The following CFAP61 variants were observed in gnomAD, a reference collection of about 807,000 sequenced individuals.
The protein encoded by CFAP61 is cilia and flagella associated protein 61.
Under a neutral mutation model 135.6 loss-of-function variants are expected in CFAP61, and 107 were observed. That is an observed-to-expected ratio of 0.79 (90% CI 0.67 to 0.93). The LOEUF (loss-of-function observed/expected upper bound fraction) is 0.93. Ranked by LOEUF, CFAP61 falls within the 40% of genes least tolerant of loss-of-function variation. The pLI is 0.00. For missense variants in CFAP61, 1,507 were observed against 1,556.2 expected, an observed-to-expected ratio of 0.97 and a Z score of 0.53; for synonymous variants, 575 against 578.5, an observed-to-expected ratio of 0.99 and a Z score of 0.09.
chr20:20,345,934 G>A (rs1393266204), intron 26 of CFAP61, among the ~76,000 whole-genome samples: 4 of 108,086 alleles, frequency 3.7e-5, no homozygotes, highest in East Asian at 3.1e-4. Flanking sequence ...TCGCTCTGTC[G>A]CCCAGGCCGG....
chr20:20,305,896 T>C (rs560766770), intron 25 of CFAP61, among the ~76,000 whole-genome samples: 1 of 152,294 alleles, frequency 6.6e-6, no homozygotes, highest in South Asian at 2.1e-4. Context: ...CCTAGAGATG[T>C]TTCTGCTACT....
intron 7 of CFAP61, among the ~76,000 whole-genome samples, chr20:20,095,868 G>A (rs6046619): frequency 6.6e-6 from 1 of 152,198 alleles, no homozygotes; most frequent in Non-Finnish European, 1.5e-5. Context: ...GGTGGCTGTA[G>A]GGCTTTTTGG....
At chr20:20,091,122 C>A in intron 7 of CFAP61, 146 bp downstream of exon 7, 1 of 876,570 alleles carries the variant, frequency 1.1e-6, no homozygotes, top group Non-Finnish European at 1.8e-6. Flanking sequence ...AGGTGGTGCA[C>A]CAGGCCAGCT....
At chr20:20,135,106 A>G (rs1203118427) in intron 8 of CFAP61, among the ~76,000 whole-genome samples, 1 of 152,154 alleles carries the variant, frequency 6.6e-6, no homozygotes, top group Non-Finnish European at 1.5e-5. Flanking sequence ...GATTATAAAG[A>G]CAGAAAAGGA....
chr20:20,341,457 T>C (rs1464757922), intron 25 of CFAP61, among the ~76,000 whole-genome samples: 1 of 152,232 alleles, frequency 6.6e-6, no homozygotes, highest in Non-Finnish European at 1.5e-5. Context: ...ATTTGTGTTA[T>C]TGTCTACCCA....
At chr20:20,263,211 T>C in intron 21 of CFAP61, 81 bp downstream of exon 21, 1 of 1,033,026 alleles carries the variant, frequency 9.7e-7, no homozygotes, top group Non-Finnish European at 1.4e-6. Flanking sequence ...CTAGTTCCAG[T>C]ATATAATTAG....
chr20:20,264,583 T>C (rs2052550582), intron 21 of CFAP61, among the ~76,000 whole-genome samples: 1 of 152,208 alleles, frequency 6.6e-6, no homozygotes, highest in African/African-American at 2.4e-5. Flanking sequence ...TATTTTCTTA[T>C]CAGGGAAAAT....
intron 9 of CFAP61, 48 bp downstream of exon 9, chr20:20,142,996 G>T (rs755828539): frequency 2.9e-5 from 34 of 1,162,348 alleles, no homozygotes; most frequent in Non-Finnish European, 4.0e-5. Flanking sequence ...ATGGGCCTGG[G>T]GGCTACCTGT....
chr20:20,178,818 C>T (rs1021924568), intron 13 of CFAP61, among the ~76,000 whole-genome samples: 4 of 152,084 alleles, frequency 2.6e-5, no homozygotes, highest in African/African-American at 9.7e-5. Flanking sequence ...TTTTAATCAG[C>T]CTCCTTGAAC....
chr20:20,276,093 A>C (rs1425070822), intron 21 of CFAP61, among the ~76,000 whole-genome samples: 1 of 152,250 alleles, frequency 6.6e-6, no homozygotes, highest in Non-Finnish European at 1.5e-5. Context: ...AAGCCATCTG[A>C]AAGTTACTGT....
intron 8 of CFAP61, among the ~76,000 whole-genome samples, chr20:20,140,128 ATTTTTTTTT>A (rs3060428): frequency 7.2e-5 from 7 of 97,298 alleles, no homozygotes; most frequent in Middle Eastern, 8.6e-3. Flanking sequence ...GGTGCTGGAA[ATTTTTTTTT>A]TTTTTTTTTT....
At chr20:20,267,961 G>A (rs927971010) in intron 21 of CFAP61, among the ~76,000 whole-genome samples, 1 of 152,208 alleles carries the variant, frequency 6.6e-6, no homozygotes. Flanking sequence ...GGCATTTGAA[G>A]CCAGAAGCTA....
At position 20,246,178 on chromosome 20, in the gene CFAP61, C is replaced by A; in HGVS notation, c.2122C>A (p.Leu708Ile). The A allele has an allele frequency of 6.2e-7, 1 of 1,613,602 alleles. No homozygotes were observed. Among genetic ancestry groups the A allele is most frequent in the East Asian group, 2.2e-5 (1 of 44,878 alleles). Residue 708 changes from leucine to isoleucine, a missense_variant, in exon 19 of 27, where the codon CTT (leucine) becomes ATT (isoleucine). Transcript: ENST00000245957. ...AACTCATGGACTCCCAGGAAAAAAA[C>A]TTCTGGACACTGAACAAAGGAAATT... The part of the protein sequence containing the change: ...ISTHGLPGKK[L>I]LDTEQRKFLA...
chr20:20,075,145 T>C (rs1375982097), intron 4 of CFAP61, 44 bp from the exon 5 acceptor site: 1 of 1,578,148 alleles, frequency 6.3e-7, no homozygotes, highest in South Asian at 1.1e-5. Context: ...GCTGATGGGA[T>C]TGCTTTGTTA....
intron 17 of CFAP61, among the ~76,000 whole-genome samples, chr20:20,224,920 G>C (rs989440446): frequency 6.6e-6 from 1 of 152,042 alleles, no homozygotes; most frequent in Non-Finnish European, 1.5e-5. Flanking sequence ...TCAAGAACTA[G>C]GGCTTTTATT....
At chr20:20,258,087 T>C (rs1374863596) in intron 20 of CFAP61, among the ~76,000 whole-genome samples, 4 of 152,156 alleles carry the variant, frequency 2.6e-5, no homozygotes, top group Non-Finnish European at 4.4e-5. Flanking sequence ...GGTTAGGGCT[T>C]CAAACCACCC....
At chr20:20,269,164 C>CATATATGT (rs1555941609) in intron 21 of CFAP61, among the ~76,000 whole-genome samples, 1 of 112,548 alleles carries the variant, frequency 8.9e-6, no homozygotes, top group Non-Finnish European at 1.9e-5. Flanking sequence ...CACACACACA[C>CATATATGT]ATACATATAT....
chr20:20,296,106 CCTCCCTCCT>C lies in CFAP61; in HGVS notation c.3217-2074_3217-2066del, dbSNP rs1569259361. On this transcript the variant is annotated intron_variant, in intron 24 of 26. Transcript: ENST00000245957. ...TCTTCCTTCTTTCCTTCCTTCCTTC[CCTCCCTCCT>C]TCCCTTCCTTCCTTCCTTCCTCCCT... Among the ~76,000 whole-genome samples, 5 of 17,692 alleles carry C rather than the reference CCTCCCTCCT, an allele frequency of 2.8e-4. 1 individual carries two copies. Among genetic ancestry groups the C allele is most frequent in the Admixed American group, 1.9e-3 (3 of 1,612 alleles). The allele number at this position is 17,692 out of a possible 152,430, so 11.6% of individuals were successfully genotyped here. A position where few individuals can be genotyped will look rare whatever the true frequency, so the allele number is the denominator to read the frequency against.
At chr20:20,236,330 G>C (rs1270875621) in intron 18 of CFAP61, among the ~76,000 whole-genome samples, 7 of 152,150 alleles carry the variant, frequency 4.6e-5, no homozygotes, top group African/African-American at 1.4e-4. Flanking sequence ...CCAACATGCA[G>C]GTGGGTTTAG....
Sources: allele counts gnomAD v4.1 joint callset (sites outside exome capture counted in the v4.1 genomes callset), GRCh38; gene constraint gnomAD v4.1.1; transcripts MANE v1.5; gene names NCBI Gene and HGNC (gene_info 2026-07-23, HGNC 2026-07-21).